Variants in AFG2A observed in about 807,000 individuals in gnomAD.
AFG2A encodes the protein AAA ATPase AFG2A.
the AFG2A span, chr4:123,315,804 A>C: frequency 2.0e-4 from 30 of 152,218 alleles, no homozygotes; most frequent in African/African-American, 7.2e-4. Context: ...TAGAGATAGG[A>C]TCTTGTTGTG....
the AFG2A span, among the ~76,000 whole-genome samples, chr4:123,121,800 A>G: frequency 7.2e-5 from 11 of 152,294 alleles, no homozygotes; most frequent in African/African-American, 2.6e-4. Flanking sequence ...TTGTTCTGTA[A>G]CTTTCTTGGC....
chr4:122,976,243 T>C, the AFG2A span, among the ~76,000 whole-genome samples: 1 of 152,204 alleles, frequency 6.6e-6, no homozygotes. Flanking sequence ...TATTAAACAC[T>C]CTTAACACAA....
At chr4:123,307,235 G>A in the AFG2A span, among the ~76,000 whole-genome samples, 5 of 152,068 alleles carry the variant, frequency 3.3e-5, no homozygotes, top group Admixed American at 6.6e-5. Flanking sequence ...TTGAACTCCT[G>A]GGTTCAGATG....
chr4:122,984,850 G>C, the AFG2A span, among the ~76,000 whole-genome samples: 1 of 152,202 alleles, frequency 6.6e-6, no homozygotes, highest in African/African-American at 2.4e-5. Flanking sequence ...GATTTGGTTA[G>C]CTAGTAGTTT....
At chr4:123,135,066 C>T in the AFG2A span, among the ~76,000 whole-genome samples, 7 of 152,122 alleles carry the variant, frequency 4.6e-5, no homozygotes, top group Non-Finnish European at 8.8e-5. Flanking sequence ...ACCAGTAGAT[C>T]AAGTGGGATT....
the AFG2A span, among the ~76,000 whole-genome samples, chr4:123,294,160 C>T: frequency 1.3e-5 from 2 of 152,170 alleles, no homozygotes; most frequent in African/African-American, 4.8e-5. Flanking sequence ...TTGCGTGGAG[C>T]TGAACTGAAC....
the AFG2A span, among the ~76,000 whole-genome samples, chr4:123,221,852 G>A: frequency 2.0e-5 from 3 of 152,114 alleles, no homozygotes; most frequent in Admixed American, 6.5e-5. Flanking sequence ...ATTTGAACCC[G>A]GGAGGCGGAG....
the AFG2A span, among the ~76,000 whole-genome samples, chr4:123,126,418 A>G: frequency 0.18 from 26,904 of 152,026 alleles, 2,805 homozygotes; most frequent in East Asian, 0.46. Flanking sequence ...CTAATAGTTC[A>G]TGTGTTCCAG....
At chr4:123,056,576 T>C in the AFG2A span, 1 of 515,544 alleles carries the variant, frequency 1.9e-6, no homozygotes, top group Non-Finnish European at 3.1e-6. Context: ...TTTCTTCAGG[T>C]AAATATTATT....
chr4:122,927,847 C>T, the AFG2A span: 504 of 1,516,244 alleles, frequency 3.3e-4, no homozygotes, highest in Non-Finnish European at 4.2e-4. Flanking sequence ...TTTTGAGTGC[C>T]ATGGTAGTCA....
chr4:123,279,836 A>G, the AFG2A span, among the ~76,000 whole-genome samples: 1 of 152,248 alleles, frequency 6.6e-6, no homozygotes, highest in African/African-American at 2.4e-5. Context: ...AGTTAGCTCA[A>G]ATTGAGCAAT....
chr4:123,157,268 C>T, the AFG2A span, among the ~76,000 whole-genome samples: 3 of 152,064 alleles, frequency 2.0e-5, no homozygotes, highest in Admixed American at 6.6e-5. Context: ...AAGTGATCCA[C>T]CCACCTTGGC....
At chr4:123,247,819 TG>T in the AFG2A span, among the ~76,000 whole-genome samples, 1 of 152,214 alleles carries the variant, frequency 6.6e-6, no homozygotes, top group Non-Finnish European at 1.5e-5. Flanking sequence ...TAAATGTTTC[TG>T]GTTTTATCTC....
At chr4:122,953,625 C>T in the AFG2A span, among the ~76,000 whole-genome samples, 1 of 152,232 alleles carries the variant, frequency 6.6e-6, no homozygotes, top group Non-Finnish European at 1.5e-5. Context: ...CCTGAGGCTC[C>T]TTAGTGAAGC....
the AFG2A span, among the ~76,000 whole-genome samples, chr4:123,038,483 C>T: frequency 6.6e-6 from 1 of 152,006 alleles, no homozygotes; most frequent in Non-Finnish European, 1.5e-5. Context: ...TGAATATAGA[C>T]TTTTAAACTC....
chr4:123,200,506 G>A, the AFG2A span, among the ~76,000 whole-genome samples: 4 of 152,138 alleles, frequency 2.6e-5, no homozygotes, highest in East Asian at 1.9e-4. Context: ...GATGGCATAC[G>A]CAATCTGTTA....
chr4:123,033,790 TGTAA>T, the AFG2A span, among the ~76,000 whole-genome samples: 1 of 152,228 alleles, frequency 6.6e-6, no homozygotes. Context: ...AAGCAAGTTC[TGTAA>T]GTCTCATTTT....
the AFG2A span, among the ~76,000 whole-genome samples, chr4:123,093,775 A>T: frequency 6.6e-6 from 1 of 152,140 alleles, no homozygotes; most frequent in Non-Finnish European, 1.5e-5. Context: ...CAACAGCAGG[A>T]TATTTTCATT....
chr4:123,111,711 C>A, the AFG2A span, among the ~76,000 whole-genome samples: 64,421 of 150,686 alleles, frequency 0.43, 15,913 homozygotes, highest in African/African-American at 0.68. Flanking sequence ...TATTATACTT[C>A]TTCTTCTTCT....
Sources: gnomAD v4.1 joint callset for allele counts (sites outside exome capture counted in the v4.1 genomes callset) on GRCh38, gnomAD v4.1.1 for gene constraint, MANE v1.5 for transcripts, NCBI Gene and HGNC (gene_info 2026-07-23, HGNC 2026-07-21) for gene names.